DCBLD1: variants seen among roughly 807,000 people sequenced by gnomAD.
DCBLD1 encodes discoidin, CUB and LCCL domain containing 1.
Under a neutral mutation model 71.5 loss-of-function variants are expected in DCBLD1, and 57 were observed. The ratio of observed to expected loss-of-function variants is 0.80; its 90% CI spans 0.64 to 0.99. The LOEUF is 0.99. Ranked by LOEUF, DCBLD1 falls within the 50% of genes least tolerant of loss-of-function variation. The pLI, the probability that DCBLD1 is intolerant of heterozygous loss-of-function variation, is 0.00. For missense variants in DCBLD1, 891 were observed against 923.5 expected, an observed-to-expected ratio of 0.96 and a Z score of 0.46; for synonymous variants, 380 against 363.8, an observed-to-expected ratio of 1.04 and a Z score of -0.51.
Position 117,547,900 on chromosome 6 carries a change from G to C in DCBLD1, c.1616-7G>C. ...CCCGCTAGCTGCCATCTGTCTTGTGGTTTCAGATTACCAGCAGCCCCTCAT... is the reference window on the plus strand; with the variant it reads ...CCCGCTAGCTGCCATCTGTCTTGTGCTTTCAGATTACCAGCAGCCCCTCAT... On this transcript the variant is annotated splice_region_variant and splice_polypyrimidine_tract_variant and intron_variant, in intron 14 of 14. Transcript: ENST00000338728. The C allele has an allele frequency of 6.4e-7, 1 of 1,550,506 alleles. No homozygotes were observed. Among genetic ancestry groups the C allele is most frequent in the Non-Finnish European group, 8.7e-7 (1 of 1,146,936 alleles).
chr6:117,538,352 T>C (rs1420062387), intron 7 of DCBLD1, among the ~76,000 whole-genome samples: 7 of 152,130 alleles, frequency 4.6e-5, no homozygotes, highest in South Asian at 2.1e-4. Flanking sequence ...GAAAATAAAA[T>C]CTACAGTGGG....
At chr6:117,534,453 C>T (rs17637404) in intron 6 of DCBLD1, among the ~76,000 whole-genome samples, 16,855 of 152,028 alleles carry the variant, frequency 0.11, 1,087 homozygotes, top group Middle Eastern at 0.16. Flanking sequence ...TCTGTTGATA[C>T]GAGGGTGCTA....
chr6:117,548,082 G>A lies in DCBLD1; in HGVS notation c.1791G>A (p.Glu597=), dbSNP rs1779333342. Residue 597 remains glutamate (E), a synonymous_variant, in exon 15 of 15, where the codon GAG becomes GAA. Coordinates refer to ENST00000338728, the MANE Select transcript of DCBLD1 (RefSeq NM_001366458.2). ...HEYALPLAPP[E]PEYATPIVER... ...ACGCGCTGCCCCTGGCGCCCCCGGA[G>A]CCCGAGTACGCCACGCCCATCGTGG... The A allele has an allele frequency of 6.5e-7, 1 of 1,549,094 alleles. No homozygotes were observed. The highest frequency in any genetic ancestry group is 2.0e-5 in the Admixed American group (1 of 50,926).
intron 14 of DCBLD1, chr6:117,566,846 A>AT (rs1779706705): frequency 6.5e-7 from 1 of 1,532,462 alleles, no homozygotes; most frequent in African/African-American, 1.4e-5. Context: ...TTTTAGAGTG[A>AT]TTTTTACCTT....
intron 1 of DCBLD1, 35 bp downstream of exon 1, chr6:117,482,928 G>T (rs1422608250): frequency 7.7e-6 from 9 of 1,169,266 alleles, no homozygotes; most frequent in Non-Finnish European, 9.5e-6. Flanking sequence ...GGCGGGACCC[G>T]AGGCGCCAGG....
At chr6:117,499,052 G>A (rs1336242834) in intron 1 of DCBLD1, among the ~76,000 whole-genome samples, 4 of 149,872 alleles carry the variant, frequency 2.7e-5, no homozygotes, top group African/African-American at 1.0e-4. Flanking sequence ...TGAAGAAACT[G>A]GGTCAACTGT....
Position 117,503,952 on chromosome 6 carries a change from C to G in DCBLD1, c.298C>G (p.Leu100Val). The change falls in exon 2 of 15, where the codon CTC (leucine) becomes GTC (valine). Residue 100 changes from leucine (L) to valine (V), a missense_variant. By Grantham distance (32) the Leu-to-Val change is conservative (BLOSUM62 1). Transcript: ENST00000338728. ...CCAGACCTGTGCTTCTGACTATCTTCTCTTCACCAGCTCTTCAGATCAATA... is the reference window on the plus strand; with the variant it reads ...CCAGACCTGTGCTTCTGACTATCTTGTCTTCACCAGCTCTTCAGATCAATA... ...ESQTCASDYL[L>V]FTSSSDQYGP... The G allele has an allele frequency of 6.2e-7, 1 of 1,614,162 alleles. No individual in the cohort carries two copies. The highest frequency in any genetic ancestry group is 8.5e-7 in the Non-Finnish European group (1 of 1,179,986).
chr6:117,545,587 T>C lies in DCBLD1; in HGVS notation c.1605T>C (p.Ser535=). Residue 535 remains serine, a synonymous_variant, in exon 14 of 15, where the codon AGT becomes AGC. Transcript: ENST00000338728. ...CACAAAAGTTAGATCTCATCACAAG[T>C]GATATGGCAGGTAAGTGTCATATTT... ...EMTQKLDLIT[S]DMADYQQPLM... is the part of the protein sequence containing the mutation. 3 of 1,613,740 alleles carry C rather than the reference T, an allele frequency of 1.9e-6. No individual in the cohort carries two copies. Among genetic ancestry groups the C allele is most frequent in the Non-Finnish European group, 2.5e-6 (3 of 1,179,852 alleles).
At chr6:117,556,042 T>C (rs1583042052) in intron 14 of DCBLD1, among the ~76,000 whole-genome samples, 1 of 152,168 alleles carries the variant, frequency 6.6e-6, no homozygotes, top group Non-Finnish European at 1.5e-5. Flanking sequence ...CAAAAAGCCT[T>C]ACACCGCTAA....
chr6:117,496,513 CTG>C (rs1225797215), intron 1 of DCBLD1, among the ~76,000 whole-genome samples: 1 of 152,132 alleles, frequency 6.6e-6, no homozygotes, highest in Non-Finnish European at 1.5e-5. Flanking sequence ...AGACAAAACT[CTG>C]TAATAATTGC....
chr6:117,544,261 TTAA>T (rs1239816726), intron 12 of DCBLD1: 1 of 350,224 alleles, frequency 2.9e-6, no homozygotes, highest in African/African-American at 2.1e-5. Flanking sequence ...AGTGATAAAC[TTAA>T]TAAGGCACTG....
chr6:117,537,430 A>G (rs551350855), intron 7 of DCBLD1, among the ~76,000 whole-genome samples: 12 of 151,488 alleles, frequency 7.9e-5, no homozygotes, highest in Admixed American at 2.6e-4. Flanking sequence ...GCTTCTCGGG[A>G]GGCTGAGGCA....
At chr6:117,509,127 T>G in intron 2 of DCBLD1, among the ~76,000 whole-genome samples, 1 of 152,166 alleles carries the variant, frequency 6.6e-6, no homozygotes. Context: ...TGTGTCTCTA[T>G]TCCCTCATAT....
intron 4 of DCBLD1, 65 bp downstream of exon 4, chr6:117,521,641 T>C: frequency 1.5e-6 from 2 of 1,341,040 alleles, no homozygotes; most frequent in Non-Finnish European, 2.1e-6. Flanking sequence ...TTCTTTCACG[T>C]TAAACCAGAT....
At chr6:117,525,299 C>A in intron 4 of DCBLD1, 63 bp from the exon 5 acceptor site, 2 of 1,250,906 alleles carry the variant, frequency 1.6e-6, no homozygotes, top group South Asian at 2.4e-5. Flanking sequence ...AATTTAAGTA[C>A]AGTTTAATTT....
chr6:117,482,918 G>T, intron 1 of DCBLD1, 25 bp downstream of exon 1: 1 of 1,178,570 alleles, frequency 8.5e-7, no homozygotes, highest in Non-Finnish European at 1.0e-6. Flanking sequence ...TCCGGCTGGC[G>T]GCGGGACCCG....
chr6:117,544,273 T>C (rs1176603972), intron 12 of DCBLD1: 1 of 375,732 alleles, frequency 2.7e-6, no homozygotes, highest in Non-Finnish European at 4.7e-6. Context: ...AATAAGGCAC[T>C]GATTTCTAAT....
At position 117,548,601 on chromosome 6, in the gene DCBLD1, C is replaced by T. The variant is rs1583037980; in HGVS notation, c.*162C>T. The T allele has an allele frequency of 1.4e-6, 2 of 1,440,848 alleles. No individual in the cohort carries two copies. The highest frequency in any genetic ancestry group is 1.8e-6 in the Non-Finnish European group (2 of 1,101,890). 89.3% of individuals were successfully genotyped at this position (1,440,848 alleles called of 1,614,324 possible). ...AGGATCCTAGAGACAACCTGTCATACTGTTTACAAAATTGTGCAGCTGGTT... is the reference window on the plus strand; with the variant it reads ...AGGATCCTAGAGACAACCTGTCATATTGTTTACAAAATTGTGCAGCTGGTT... On this transcript the variant is annotated 3_prime_UTR_variant, in exon 15 of 15. Coordinates refer to ENST00000338728, the MANE Select transcript of DCBLD1 (RefSeq NM_001366458.2).
In DCBLD1 at chr6:117,519,891, G is replaced by T. The variant is rs370694429; in HGVS notation, c.401G>T (p.Ser134Ile). 29 of 1,614,024 alleles carry T rather than the reference G, an allele frequency of 1.8e-5. No individual in the cohort carries two copies. Among genetic ancestry groups the T allele is most frequent in the Non-Finnish European group, 2.4e-5 (28 of 1,180,028 alleles). Residue 134 changes from serine (S) to isoleucine (I), a missense_variant, in exon 3 of 15, where the codon AGT (serine) becomes ATT (isoleucine). By Grantham distance (142) the Ser-to-Ile change is moderately radical. Transcript: ENST00000338728. ...NTSEVTVRFE[S>I]GSHISGRGFL... The stretch of plus-strand genomic sequence containing the variant: ...AGTGAAGTAACCGTCCGCTTTGAGA[G>T]TGGATCCCACATTTCTGGCCGGGGT...
Sources: allele counts gnomAD v4.1 joint callset (sites outside exome capture counted in the v4.1 genomes callset), GRCh38; gene constraint gnomAD v4.1.1; transcripts MANE v1.5; gene names NCBI Gene and HGNC (gene_info 2026-07-23, HGNC 2026-07-21).